The following CCDC175 variants were observed in gnomAD, a reference collection of about 807,000 sequenced individuals.
The protein encoded by CCDC175 is coiled-coil domain containing 175, also known as coiled-coil domain-containing protein 175.
CCDC175 carries 100 observed loss-of-function variants against 114.6 expected under a neutral mutation model. The ratio of observed to expected loss-of-function variants is 0.87; its 90% CI spans 0.74 to 1.03. The LOEUF (loss-of-function observed/expected upper bound fraction) is 1.03. CCDC175 is among the 50% of genes least tolerant of loss of function. The pLI, the probability that CCDC175 is intolerant of heterozygous loss-of-function variation, is 0.00. For missense variants in CCDC175, 880 were observed against 917.8 expected (o/e 0.96, Z 0.53); for synonymous variants, 306 against 308.7 (o/e 0.99, Z 0.09).
rs1391524139 is a variant in CCDC175 at position 59,523,475 on chromosome 14, C to G, written c.1996-1799G>C. Among the ~76,000 whole-genome samples the G allele has an allele frequency of 2.0e-5, 3 of 152,226 alleles. No individual in the cohort carries two copies. The East Asian group carries it at 5.8e-4, about 29-fold the overall frequency. Reference sequence around the variant, plus strand: ...GCTATTAAAACTTCTAAAAAAAATACAGCTTCAATTTACACATCTATAAAA... The same window carrying G: ...GCTATTAAAACTTCTAAAAAAAATAGAGCTTCAATTTACACATCTATAAAA... On this transcript the variant is annotated intron_variant, in intron 16 of 19. Coordinates refer to ENST00000537690, the MANE Select transcript of CCDC175 (RefSeq NM_001164399.2).
At position 59,546,126 on chromosome 14, in the gene CCDC175, T is replaced by C. The variant is rs116052630; in HGVS notation, c.1036-827A>G. 4.0e-3 allele frequency among the ~76,000 whole-genome samples: 607 copies of C among 152,306 alleles called. 2 individuals carry two copies. Among genetic ancestry groups the C allele is most frequent in the African/African-American group, 0.014 (568 of 41,568 alleles). ...GTGGTAATAATACACCATGGAACAT[T>C]ATGCAGCCATAAAAAAGAATGAAAT... On this transcript the variant is annotated intron_variant, in intron 8 of 19. Coordinates refer to ENST00000537690, the MANE Select transcript of CCDC175 (RefSeq NM_001164399.2).
chr14:59,556,148 A>G (rs1429331594), intron 7 of CCDC175, among the ~76,000 whole-genome samples: 1 of 152,296 alleles, frequency 6.6e-6, no homozygotes, highest in Non-Finnish European at 1.5e-5. Flanking sequence ...AGCCCGCATC[A>G]CCAAGTCAAT....
chr14:59,510,936 G>C (rs1892702680), intron 18 of CCDC175, 128 bp from the exon 19 acceptor site: 3 of 806,278 alleles, frequency 3.7e-6, no homozygotes, highest in Non-Finnish European at 3.8e-6. Flanking sequence ...ATAAAAATAA[G>C]TGCTTGTGTA....
chr14:59,505,368 G>A (rs1892285263), intron 19 of CCDC175, 53 bp from the exon 20 acceptor site: 1 of 984,008 alleles, frequency 1.0e-6, no homozygotes, highest in Non-Finnish European at 1.5e-6. Context: ...CACACATTTG[G>A]GGGGTTATTA....
At chr14:59,537,777 A>C (rs1261289924) in intron 13 of CCDC175, among the ~76,000 whole-genome samples, 1 of 152,170 alleles carries the variant, frequency 6.6e-6, no homozygotes, top group Non-Finnish European at 1.5e-5. Flanking sequence ...ACCTGTCTCT[A>C]AGGCCATTGC....
intron 17 of CCDC175, among the ~76,000 whole-genome samples, chr14:59,517,967 A>G (rs1329596595): frequency 2.0e-5 from 3 of 152,348 alleles, no homozygotes; most frequent in Non-Finnish European, 2.9e-5. Flanking sequence ...TGGTACCAAA[A>G]CAGAGATATA....
intron 17 of CCDC175, among the ~76,000 whole-genome samples, chr14:59,516,300 T>C (rs1893081172): frequency 6.6e-6 from 1 of 151,426 alleles, no homozygotes; most frequent in Admixed American, 6.6e-5. Flanking sequence ...TAGCAGAAGG[T>C]GAGAAATAAC....
intron 8 of CCDC175, among the ~76,000 whole-genome samples, chr14:59,550,454 G>A (rs1460670064): frequency 1.3e-5 from 2 of 151,830 alleles, no homozygotes; most frequent in Non-Finnish European, 2.9e-5. Flanking sequence ...GAATTTTCCT[G>A]GGGGCTAAAT....
chr14:59,536,267 T>C (rs1894391874), intron 13 of CCDC175, among the ~76,000 whole-genome samples: 1 of 151,988 alleles, frequency 6.6e-6, no homozygotes, highest in African/African-American at 2.4e-5. Flanking sequence ...CGGAGCCATC[T>C]CCTGCAGACA....
Position 59,572,682 on chromosome 14 carries a change from G to A in CCDC175, c.355+20C>T. 7.6e-7 allele frequency: 1 copy of A among 1,319,214 alleles called. No individual in the cohort carries two copies. The highest frequency in any genetic ancestry group is 1.0e-6 in the Non-Finnish European group (1 of 983,426). 81.7% of individuals were successfully genotyped at this position (1,319,214 alleles called of 1,614,324 possible). A position where few individuals can be genotyped will look rare whatever the true frequency, so the allele number is the denominator to read the frequency against. ...TTATAAGATCAACTAAATTTCTAGA[G>A]TTGATAACCTCAAAAGTACCTTCCA... On this transcript the variant is annotated intron_variant, in intron 3 of 19. Coordinates refer to ENST00000537690, the MANE Select transcript of CCDC175 (RefSeq NM_001164399.2).
intron 4 of CCDC175, among the ~76,000 whole-genome samples, chr14:59,565,799 C>T (rs1408560810): frequency 3.9e-5 from 6 of 152,150 alleles, no homozygotes; most frequent in Non-Finnish European, 8.8e-5. Context: ...GTCACGTGGC[C>T]TTGCCTCGCC....
At chr14:59,560,386 T>C (rs953367157) in intron 7 of CCDC175, among the ~76,000 whole-genome samples, 2 of 152,140 alleles carry the variant, frequency 1.3e-5, no homozygotes, top group African/African-American at 4.8e-5. Context: ...GTTATAAGAC[T>C]CCATCTTCTT....
intron 7 of CCDC175, among the ~76,000 whole-genome samples, chr14:59,552,243 C>T (rs956248605): frequency 6.6e-6 from 1 of 152,190 alleles, no homozygotes; most frequent in East Asian, 1.9e-4. Flanking sequence ...GACACGTCAA[C>T]TGGCCGGGTA....
intron 17 of CCDC175, among the ~76,000 whole-genome samples, chr14:59,516,157 C>A (rs1893071586): frequency 6.6e-6 from 1 of 152,182 alleles, no homozygotes; most frequent in South Asian, 2.1e-4. Context: ...CTCTGGGACA[C>A]ATTCAAAGCA....
chr14:59,525,540 G>T (rs1956366), intron 15 of CCDC175, 106 bp from the exon 16 acceptor site: 273,571 of 764,768 alleles, frequency 0.36, 51,217 homozygotes, highest in African/African-American at 0.52. Context: ...ATTAATTTCT[G>T]AAGTATCCAG....
chr14:59,532,152 T>C (rs537882689), intron 13 of CCDC175, among the ~76,000 whole-genome samples: 1 of 152,334 alleles, frequency 6.6e-6, no homozygotes, highest in African/African-American at 2.4e-5. Context: ...TAAAGATCCC[T>C]TCTGCTTTAA....
chr14:59,513,540 G>C (rs184082893), intron 17 of CCDC175, among the ~76,000 whole-genome samples: 1 of 152,302 alleles, frequency 6.6e-6, no homozygotes, highest in Non-Finnish European at 1.5e-5. Flanking sequence ...GGCTTGGAGG[G>C]TCCTATGCCC....
intron 7 of CCDC175, among the ~76,000 whole-genome samples, chr14:59,559,472 C>A (rs981191573): frequency 7.9e-5 from 12 of 152,046 alleles, no homozygotes; most frequent in African/African-American, 1.7e-4. Context: ...AAATAGGTAA[C>A]AAGGCTATTA....
At chr14:59,514,548 C>T (rs367695754) in intron 17 of CCDC175, among the ~76,000 whole-genome samples, 1 of 152,134 alleles carries the variant, frequency 6.6e-6, no homozygotes, top group Non-Finnish European at 1.5e-5. Context: ...ATTAGATCAA[C>T]TGGAAGAAAG....
Sources: allele counts gnomAD v4.1 joint callset (sites outside exome capture counted in the v4.1 genomes callset), GRCh38; gene constraint gnomAD v4.1.1; transcripts MANE v1.5; gene names NCBI Gene and HGNC (gene_info 2026-07-23, HGNC 2026-07-21).